Variants in MRPS9 observed in about 807,000 individuals in gnomAD.
MRPS9 encodes mitochondrial ribosomal protein S9.
Under a neutral mutation model 59.9 loss-of-function variants are expected in MRPS9, and 45 were observed. The ratio of observed to expected loss-of-function variants is 0.75; its 90% CI spans 0.59 to 0.96. The LOEUF (loss-of-function observed/expected upper bound fraction) is 0.96. Ranked by LOEUF, MRPS9 falls within the 40% of genes least tolerant of loss-of-function variation. The probability of loss-of-function intolerance (pLI) is 0.00; values close to 1 mark genes in which losing one functional copy is unlikely to be tolerated. For synonymous variants in MRPS9, 171 were observed against 166.8 expected, an observed-to-expected ratio of 1.03 and a Z score of -0.19; for missense variants, 473 against 481.1, an observed-to-expected ratio of 0.98 and a Z score of 0.16.
intron 2 of MRPS9, among the ~76,000 whole-genome samples, chr2:105,055,595 T>C (rs74576076): frequency 6.6e-6 from 1 of 151,944 alleles, no homozygotes; most frequent in Admixed American, 6.6e-5. Context: ...GGACCCCTTT[T>C]GGTATTGCAT....
chr2:105,047,873 C>T (rs969715744), intron 1 of MRPS9, among the ~76,000 whole-genome samples: 3 of 151,986 alleles, frequency 2.0e-5, no homozygotes, highest in Non-Finnish European at 2.9e-5. Context: ...AAAAGATATG[C>T]GAGCCCTTTG....
At chr2:105,088,933 T>A (rs1680503240) in intron 5 of MRPS9, 51 bp from the exon 6 acceptor site, 1 of 1,249,678 alleles carries the variant, frequency 8.0e-7, no homozygotes, top group East Asian at 2.4e-5. Flanking sequence ...GAAGTTATAA[T>A]GTACCATTGC....
intron 2 of MRPS9, 74 bp downstream of exon 2, chr2:105,049,424 C>A: frequency 8.0e-7 from 1 of 1,247,000 alleles, no homozygotes; most frequent in Non-Finnish European, 1.1e-6. Context: ...TCTTCATGAG[C>A]CCCTTAGCTC....
intron 9 of MRPS9, among the ~76,000 whole-genome samples, chr2:105,095,005 T>G (rs1387329529): frequency 6.6e-6 from 1 of 152,228 alleles, no homozygotes; most frequent in Non-Finnish European, 1.5e-5. Flanking sequence ...CAGAGATATT[T>G]AAGATATGAT....
chr2:105,072,391 C>G (rs1272388854), intron 4 of MRPS9, among the ~76,000 whole-genome samples: 1 of 151,080 alleles, frequency 6.6e-6, no homozygotes, highest in East Asian at 1.9e-4. Flanking sequence ...TCCCATCAAC[C>G]TTACTGAAGT....
At chr2:105,042,363 C>T (rs1679516671) in intron 1 of MRPS9, among the ~76,000 whole-genome samples, 1 of 152,244 alleles carries the variant, frequency 6.6e-6, no homozygotes, top group Admixed American at 6.5e-5. Flanking sequence ...CCCTCAGCTC[C>T]TGCCACATGG....
At chr2:105,056,784 G>T (rs1451172277) in intron 2 of MRPS9, among the ~76,000 whole-genome samples, 1 of 152,124 alleles carries the variant, frequency 6.6e-6, no homozygotes, top group African/African-American at 2.4e-5. Context: ...ATATACTAGT[G>T]CTTCCTTAAT....
At chr2:105,056,462 T>G (rs1183225541) in intron 2 of MRPS9, among the ~76,000 whole-genome samples, 1 of 152,176 alleles carries the variant, frequency 6.6e-6, no homozygotes, top group East Asian at 1.9e-4. Context: ...TCTCCCTTGC[T>G]GTCAGGATGT....
At chr2:105,086,749 C>T (rs1680453651) in intron 5 of MRPS9, among the ~76,000 whole-genome samples, 1 of 152,180 alleles carries the variant, frequency 6.6e-6, no homozygotes, top group Admixed American at 6.6e-5. Context: ...CAGATACATT[C>T]CTCTGCTGCT....
chr2:105,086,469 C>T (rs1307443134), intron 5 of MRPS9, among the ~76,000 whole-genome samples: 1 of 152,058 alleles, frequency 6.6e-6, no homozygotes, highest in Non-Finnish European at 1.5e-5. Context: ...GTAAAAATTG[C>T]TCAAAAGTCA....
At chr2:105,099,416 T>C (rs1018118431) in intron 10 of MRPS9, 1 of 314,736 alleles carries the variant, frequency 3.2e-6, no homozygotes, top group Non-Finnish European at 5.9e-6. Flanking sequence ...GGAGCCATGA[T>C]TCTTATAATT....
At chr2:105,052,309 G>T (rs1679726440) in intron 2 of MRPS9, among the ~76,000 whole-genome samples, 1 of 152,088 alleles carries the variant, frequency 6.6e-6, no homozygotes, top group African/African-American at 2.4e-5. Context: ...CTAGTTTGTT[G>T]AACTTTTTTG....
chr2:105,094,959 A>G (rs1225439182), intron 9 of MRPS9, among the ~76,000 whole-genome samples: 1 of 152,158 alleles, frequency 6.6e-6, no homozygotes, highest in Non-Finnish European at 1.5e-5. Context: ...AAGGACATCT[A>G]TGTCTCCAGT....
chr2:105,050,144 C>CTT (rs201774328), intron 2 of MRPS9, among the ~76,000 whole-genome samples: 35 of 150,974 alleles, frequency 2.3e-4, no homozygotes, highest in African/African-American at 3.2e-4. Context: ...CTTTTCTTTT[C>CTT]TTTTCTTTTT....
intron 9 of MRPS9, among the ~76,000 whole-genome samples, chr2:105,096,414 C>A (rs943517036): frequency 6.6e-6 from 1 of 152,002 alleles, no homozygotes; most frequent in South Asian, 2.1e-4. Context: ...TCTTACCTGG[C>A]GTGAAAATGA....
intron 9 of MRPS9, among the ~76,000 whole-genome samples, 162 bp downstream of exon 9, chr2:105,093,800 A>T (rs548328330): frequency 3.3e-5 from 5 of 152,294 alleles, no homozygotes; most frequent in African/African-American, 9.6e-5. Flanking sequence ...CTATTTTTTA[A>T]AGCAGCTTCC....
intron 10 of MRPS9, 41 bp from the exon 11 acceptor site, chr2:105,099,629 C>A: frequency 1.3e-6 from 2 of 1,566,424 alleles, no homozygotes; most frequent in Non-Finnish European, 8.7e-7. Context: ...GGGCAGCATG[C>A]ATATTAATGG....
At chr2:105,088,596 C>A (rs1005790313) in intron 5 of MRPS9, among the ~76,000 whole-genome samples, 23 of 152,036 alleles carry the variant, frequency 1.5e-4, no homozygotes, top group Middle Eastern at 3.4e-3. Context: ...CTGGATAATT[C>A]TCTAAGTTTA....
At position 105,089,049 on chromosome 2, in the gene MRPS9, C is replaced by T. The variant is rs11538198; in HGVS notation, c.555C>T (p.Leu185=). 344,714 of 1,606,426 alleles carry T rather than the reference C, an allele frequency of 0.21. 38,603 individuals carry two copies. Among genetic ancestry groups the T allele is most frequent in the Middle Eastern group, 0.28 (1,697 of 6,032 alleles). The change falls in exon 6 of 11, where the codon CTC becomes CTT. Residue 185 remains leucine (L), a synonymous_variant. Transcript: ENST00000258455. ...GTCACTTGCAAGCCAAAAGTCTGCT[C>T]CCAGAAAAAACTGTAACCAGGTAAG... ...HQSHLQAKSL[L]PEKTVTRDVI... is the part of the protein sequence containing the mutation.
Sources: allele counts gnomAD v4.1 joint callset (sites outside exome capture counted in the v4.1 genomes callset), GRCh38; gene constraint gnomAD v4.1.1; transcripts MANE v1.5; gene names NCBI Gene and HGNC (gene_info 2026-07-23, HGNC 2026-07-21).